ANK3: variants seen among roughly 807,000 people sequenced by gnomAD.
ANK3 encodes ankyrin-3.
A neutral mutation model predicts 370.9 loss-of-function variants in ANK3; 57 were observed. The ratio of observed to expected loss-of-function variants is 0.15; its 90% CI spans 0.12 to 0.19. The LOEUF (loss-of-function observed/expected upper bound fraction) is 0.19, where lower values mean the gene tolerates loss of function less well. ANK3 is among the 10% of genes least tolerant of loss of function. The probability of loss-of-function intolerance (pLI) is 1.00; values close to 1 mark genes in which losing one functional copy is unlikely to be tolerated. For missense variants in ANK3, 4,439 were observed against 5,302.1 expected, an observed-to-expected ratio of 0.84 and a Z score of 5.06; for synonymous variants, 1,929 against 1,946.3, an observed-to-expected ratio of 0.99 and a Z score of 0.23.
intron 1 of ANK3, among the ~76,000 whole-genome samples, chr10:60,675,285 G>C (rs963116454): frequency 6.6e-6 from 1 of 152,138 alleles, no homozygotes; most frequent in Non-Finnish European, 1.5e-5. Flanking sequence ...ATCCTATAAG[G>C]ATCTAGGCTA....
At chr10:60,298,610 A>G (rs1428356735) in intron 1 of ANK3, among the ~76,000 whole-genome samples, 1 of 152,126 alleles carries the variant, frequency 6.6e-6, no homozygotes, top group Non-Finnish European at 1.5e-5. Context: ...CTGTCATTTT[A>G]TTACACGTTT....
At chr10:60,717,718 G>A (rs1438694994) in intron 1 of ANK3, among the ~76,000 whole-genome samples, 1 of 152,124 alleles carries the variant, frequency 6.6e-6, no homozygotes, top group Non-Finnish European at 1.5e-5. Context: ...GACTCTGAAA[G>A]CCCTTCAACT....
At chr10:60,646,269 A>G (rs2078708475) in intron 1 of ANK3, among the ~76,000 whole-genome samples, 1 of 152,236 alleles carries the variant, frequency 6.6e-6, no homozygotes, top group Non-Finnish European at 1.5e-5. Flanking sequence ...TACGGTGTTA[A>G]GGACTTGGGA....
intron 2 of ANK3, among the ~76,000 whole-genome samples, chr10:60,594,174 C>A (rs2077955545): frequency 6.6e-6 from 1 of 152,008 alleles, no homozygotes; most frequent in Admixed American, 6.6e-5. Flanking sequence ...TCTCTCTTTC[C>A]CTGTTCATCT....
At chr10:60,730,878 GT>G (rs1219848288) in intron 1 of ANK3, among the ~76,000 whole-genome samples, 2 of 152,156 alleles carry the variant, frequency 1.3e-5, no homozygotes, top group African/African-American at 2.4e-5. Flanking sequence ...TTCATTATGT[GT>G]TCTAACTCAG....
At chr10:60,133,837 T>A (rs771779517) in intron 25 of ANK3, among the ~76,000 whole-genome samples, 12 of 152,074 alleles carry the variant, frequency 7.9e-5, no homozygotes, top group Non-Finnish European at 1.5e-4. Flanking sequence ...GAGAATCACT[T>A]GAGCCCAGGA....
intron 1 of ANK3, among the ~76,000 whole-genome samples, chr10:60,692,660 A>C (rs1447711798): frequency 6.6e-6 from 1 of 152,312 alleles, no homozygotes; most frequent in African/African-American, 2.4e-5. Context: ...GGACAATTCA[A>C]ATTTTACTGC....
At position 60,076,310 on chromosome 10, in the gene ANK3, A is replaced by G; in HGVS notation, c.4571T>C (p.Leu1524Ser). Residue 1524 changes from leucine to serine, a missense_variant, in exon 37 of 44, where the codon TTA becomes TCA. Physicochemically the swap from Leu to Ser is moderately radical, Grantham distance 145 (BLOSUM62 -2). Around this residue, in one of 13 missense-constraint regions of ANK3, gnomAD observed 679 missense variants for 791.0 expected, o/e 0.86. Coordinates refer to ENST00000280772, the MANE Select transcript of ANK3 (RefSeq NM_020987.5). ...TGGCGTATTAGAGGAAGAACTTGATAAGGAAGTGAAGCCTGACTTGGCTGG... is the reference window on the plus strand; with the variant it reads ...TGGCGTATTAGAGGAAGAACTTGATGAGGAAGTGAAGCCTGACTTGGCTGG... ...PGPAKSGFTS[L>S]SSSSSNTPSA... The G allele has an allele frequency of 6.2e-7, 1 of 1,614,110 alleles. No homozygotes were observed. The highest frequency in any genetic ancestry group is 8.5e-7 in the Non-Finnish European group (1 of 1,179,978).
chr10:60,121,329 A>G (rs1204874293), intron 25 of ANK3, among the ~76,000 whole-genome samples: 1 of 149,002 alleles, frequency 6.7e-6, no homozygotes, highest in Non-Finnish European at 1.5e-5. Context: ...TGGGAAGGGT[A>G]GTGAGGGAGT....
At chr10:60,128,702 TAAC>T (rs763927019) in intron 25 of ANK3, among the ~76,000 whole-genome samples, 6 of 152,100 alleles carry the variant, frequency 3.9e-5, no homozygotes, top group Non-Finnish European at 8.8e-5. Flanking sequence ...TTAATGGGGT[TAAC>T]AAATTATTTC....
intron 1 of ANK3, among the ~76,000 whole-genome samples, chr10:60,624,026 A>C (rs935898068): frequency 6.6e-6 from 1 of 152,112 alleles, no homozygotes; most frequent in African/African-American, 2.4e-5. Context: ...GACACAAAGA[A>C]GGGAACAGAC....
chr10:60,486,266 T>C (rs1008244195), intron 2 of ANK3, among the ~76,000 whole-genome samples: 1 of 152,216 alleles, frequency 6.6e-6, no homozygotes, highest in Non-Finnish European at 1.5e-5. Context: ...AATAAAATAT[T>C]AAGCCTCAAT....
chr10:60,373,396 A>AT (rs1191758076), intron 1 of ANK3, among the ~76,000 whole-genome samples: 2 of 152,338 alleles, frequency 1.3e-5, no homozygotes, highest in Admixed American at 6.5e-5. Flanking sequence ...TTGAAGAGAG[A>AT]TAAAAACAAG....
At chr10:60,666,767 G>C (rs12261873) in intron 1 of ANK3, among the ~76,000 whole-genome samples, 50,928 of 151,926 alleles carry the variant, frequency 0.34, 8,740 homozygotes, top group African/African-American at 0.38. Context: ...TGTGATTTCT[G>C]GAGAAGGAAG....
chr10:60,582,477 T>G (rs2077768412), intron 2 of ANK3, among the ~76,000 whole-genome samples: 1 of 151,918 alleles, frequency 6.6e-6, no homozygotes, highest in Admixed American at 6.6e-5. Flanking sequence ...CAATCCAGTT[T>G]GACAAATATT....
chr10:60,289,013 A>G (rs1327092159), intron 1 of ANK3, among the ~76,000 whole-genome samples: 1 of 152,098 alleles, frequency 6.6e-6, no homozygotes, highest in Non-Finnish European at 1.5e-5. Flanking sequence ...TTGGTGGCAC[A>G]TTAAGTTCTC....
In ANK3 at chr10:60,685,058, T is replaced by C. The variant is rs558558654; in HGVS notation, c.57+48205A>G. 19 of 1,384,934 alleles carry C rather than the reference T, an allele frequency of 1.4e-5. No individual in the cohort carries two copies. The African/African-American group carries it at 2.2e-4, about 16-fold the overall frequency. 85.8% of individuals were successfully genotyped at this position (1,384,934 alleles called of 1,614,324 possible). On this transcript the variant is annotated intron_variant, in intron 1 of 43. Transcript: ENST00000373827. The stretch of plus-strand genomic sequence containing the variant: ...GAAGGACTTGAGAAACTGCATGATA[T>C]GATCATTAAAGAAAAGATGAATATC...
At chr10:60,613,056 G>A (rs777648884) in intron 2 of ANK3, among the ~76,000 whole-genome samples, 1 of 152,156 alleles carries the variant, frequency 6.6e-6, no homozygotes, top group Non-Finnish European at 1.5e-5. Context: ...TTTCATTCTT[G>A]TAGAAGGTTT....
chr10:60,562,833 T>C (rs148890469), intron 2 of ANK3, among the ~76,000 whole-genome samples: 1 of 152,332 alleles, frequency 6.6e-6, no homozygotes, highest in African/African-American at 2.4e-5. Flanking sequence ...AGATGGGAAT[T>C]TTTGTTTGAG....
Sources: gnomAD v4.1 joint callset for allele counts (sites outside exome capture counted in the v4.1 genomes callset) on GRCh38, gnomAD v4.1.1 for gene constraint, gnomAD v4.1.1 regional missense constraint, MANE v1.5 for transcripts, NCBI Gene and HGNC (gene_info 2026-07-23, HGNC 2026-07-21) for gene names.